CD2: variants seen among roughly 807,000 people sequenced by gnomAD.
CD2 encodes the protein T-cell surface antigen CD2.
Under a neutral mutation model 23.2 loss-of-function variants are expected in CD2, and 18 were observed. The observed-to-expected ratio is 0.77, with a 90% CI of 0.54 to 1.15. The LOEUF is 1.15. Ranked by LOEUF, CD2 falls within the 50% of genes most tolerant of loss-of-function variation. CD2 has a pLI of 0.00. For synonymous variants in CD2, 162 were observed against 151.9 expected (o/e 1.07, Z -0.49); for missense variants, 424 against 423.1 (o/e 1.00, Z -0.02).
Position 116,761,830 on chromosome 1 carries a change from T to G in CD2, c.613+1198T>G, listed in dbSNP as rs573016321. 2.0e-5 allele frequency among the ~76,000 whole-genome samples: 3 copies of G among 152,248 alleles called. No individual in the cohort carries two copies. The South Asian group carries it at 6.2e-4, about 32-fold the overall frequency. On this transcript the variant is annotated intron_variant, in intron 3 of 4. Coordinates refer to ENST00000369478, the MANE Select transcript of CD2 (RefSeq NM_001767.5). ...CACAGTAAGTGAAGTTGCCTCTCCT[T>G]GACTTCGCAACTTTTTTTGAGACAG...
rs1257984976 is a variant in CD2, at chr1:116,764,516, A to G, written c.646A>G (p.Ile216Val). The change falls in exon 4 of 5, where the codon ATA (isoleucine) becomes GTA (valine). Residue 216 changes from isoleucine to valine, a missense_variant. Ile to Val is a conservative substitution (Grantham distance 29, BLOSUM62 3). Coordinates refer to ENST00000369478, the MANE Select transcript of CD2 (RefSeq NM_001767.5). ...KGLDIYLIIG[I>V]CGGGSLLMVF... ...TCTGGACATCTATCTCATCATTGGC[A>G]TATGTGGAGGAGGCAGCCTCTTGAT... 1 of 1,613,992 alleles carries G rather than the reference A, an allele frequency of 6.2e-7. No homozygotes were observed. Among genetic ancestry groups the G allele is most frequent in the Non-Finnish European group, 8.5e-7 (1 of 1,179,960 alleles).
Position 116,754,971 on chromosome 1 carries a change from A to G in CD2, c.382+20A>G. 1.3e-6 allele frequency: 2 copies of G among 1,523,600 alleles called. No homozygotes were observed. Among genetic ancestry groups the G allele is most frequent in the Admixed American group, 1.9e-5 (1 of 53,962 alleles). 94.4% of individuals were successfully genotyped at this position (1,523,600 alleles called of 1,614,324 possible). ...TTCAAGGTAAGTGTTCATTCCCTTA[A>G]TTGCTTTATTTCAGTGTGGGTGCTA... is the stretch of plus-strand genomic sequence containing the variant. On this transcript the variant is annotated intron_variant, in intron 2 of 4. Coordinates refer to ENST00000369478, the MANE Select transcript of CD2 (RefSeq NM_001767.5).
At position 116,760,453 on chromosome 1, in the gene CD2, C is replaced by T. The variant is rs760747639; in HGVS notation, c.434C>T (p.Thr145Ile). The T allele has an allele frequency of 1.2e-6, 2 of 1,614,154 alleles. No individual in the cohort carries two copies. The highest frequency in any genetic ancestry group is 8.5e-7 in the Non-Finnish European group (1 of 1,180,022). Reference sequence around the variant, plus strand: ...TGGACTTGTATCAACACAACCCTGACCTGTGAGGTAATGAATGGAACTGAC... The same window carrying T: ...TGGACTTGTATCAACACAACCCTGATCTGTGAGGTAATGAATGGAACTGAC... ...ISWTCINTTL[T>I]CEVMNGTDPE... The change falls in exon 3 of 5, where the codon ACC (threonine) becomes ATC (isoleucine). Residue 145 changes from threonine (T) to isoleucine (I), a missense_variant. Thr to Ile is a moderately conservative substitution (Grantham distance 89). Transcript: ENST00000369478.
At chr1:116,768,024 G>T (rs532993503) in intron 4 of CD2, among the ~76,000 whole-genome samples, 1 of 152,266 alleles carries the variant, frequency 6.6e-6, no homozygotes, top group South Asian at 2.1e-4. Flanking sequence ...AGAATTGGGG[G>T]AAAGGCAGAT....
intron 2 of CD2, 108 bp downstream of exon 2, chr1:116,755,059 G>A (rs1387738027): frequency 2.7e-6 from 2 of 745,274 alleles, no homozygotes; most frequent in Non-Finnish European, 2.2e-6. Flanking sequence ...CTCCAGGGGG[G>A]CTATACAGGA....
rs2101152211 is a variant in CD2, at chr1:116,754,642, A to G, written c.73A>G (p.Lys25Glu). The change falls in exon 2 of 5, where the codon AAA becomes GAA. Residue 25 changes from lysine (K) to glutamate (E), a missense_variant. Transcript: ENST00000369478. The part of the protein sequence containing the change: ...FNVSSKGAVS[K>E]EITNALETWG... ...TTTGCTTTTTATAGGTGCAGTCTCC[A>G]AAGAGATTACGAATGCCTTGGAAAC... 1 of 1,608,194 alleles carries G rather than the reference A, an allele frequency of 6.2e-7. No homozygotes were observed. The highest frequency in any genetic ancestry group is 8.5e-7 in the Non-Finnish European group (1 of 1,178,372).
chr1:116,768,525 C>G lies in CD2; in HGVS notation c.798C>G (p.His266Gln), dbSNP rs699738. ...VATEERGRKP[H>Q]QIPASTPQNP... is the part of the protein sequence containing the mutation. Reference sequence around the variant, plus strand: ...CTGAAGAAAGGGGCCGGAAGCCCCACCAAATTCCAGCTTCAACCCCTCAGA... The same window carrying G: ...CTGAAGAAAGGGGCCGGAAGCCCCAGCAAATTCCAGCTTCAACCCCTCAGA... Residue 266 changes from histidine (H) to glutamine (Q), a missense_variant, in exon 5 of 5, where the codon CAC becomes CAG. Physicochemically the swap from His to Gln is conservative, Grantham distance 24 (BLOSUM62 0). Coordinates refer to ENST00000369478, the MANE Select transcript of CD2 (RefSeq NM_001767.5). 2 of 1,613,822 alleles carry G rather than the reference C, an allele frequency of 1.2e-6. No homozygotes were observed. Among genetic ancestry groups the G allele is most frequent in the African/African-American group, 1.3e-5 (1 of 74,854 alleles).
chr1:116,761,857 G>A (rs1057254115), intron 3 of CD2, among the ~76,000 whole-genome samples: 3 of 152,148 alleles, frequency 2.0e-5, no homozygotes, highest in African/African-American at 7.2e-5. Context: ...TTGAGACAGG[G>A]TTTTGCTCTG....
chr1:116,765,655 A>G (rs976928820), intron 4 of CD2, among the ~76,000 whole-genome samples: 4 of 152,198 alleles, frequency 2.6e-5, no homozygotes, highest in Non-Finnish European at 5.9e-5. Flanking sequence ...GCACAGCAGA[A>G]TCGCTGGCAG....
At position 116,754,530 on chromosome 1, in the gene CD2, T is replaced by G; in HGVS notation, c.38T>G (p.Leu13Arg). The G allele has an allele frequency of 6.2e-7, 1 of 1,614,076 alleles. No homozygotes were observed. Among genetic ancestry groups the G allele is most frequent in the Non-Finnish European group, 8.5e-7 (1 of 1,180,016 alleles). Residue 13 changes from leucine to arginine, a missense_variant, in exon 1 of 5, where the codon CTG becomes CGG. Physicochemically the swap from Leu to Arg is moderately radical, Grantham distance 102 (BLOSUM62 -2). Coordinates refer to ENST00000369478, the MANE Select transcript of CD2 (RefSeq NM_001767.5). ...TGTAAATTTGTAGCCAGCTTCCTTC[T>G]GATTTTCAATGTTTCTTCCAAAGGT... ...FPCKFVASFL[L>R]IFNVSSKGAV...
rs1165183613 is a variant in CD2, at chr1:116,768,967, C to T, written c.*184C>T. 1 of 619,390 alleles carries T rather than the reference C, an allele frequency of 1.6e-6. No homozygotes were observed. 38.4% of individuals were successfully genotyped at this position (619,390 alleles called of 1,614,324 possible). On this transcript the variant is annotated 3_prime_UTR_variant, in exon 5 of 5. Coordinates refer to ENST00000369478, the MANE Select transcript of CD2 (RefSeq NM_001767.5). ...GTGGTCAACATCTGGAGTTTTTGGT[C>T]TCCTCAGAGAGCTCCATCACACCAG...
intron 2 of CD2, among the ~76,000 whole-genome samples, chr1:116,756,613 C>T (rs539825753): frequency 7.6e-4 from 115 of 152,132 alleles, no homozygotes; most frequent in Non-Finnish European, 1.4e-3. Context: ...AATTCATCTA[C>T]CATTCAATTT....
At chr1:116,768,364 C>A in intron 4 of CD2, 100 bp from the exon 5 acceptor site, 1 of 1,154,000 alleles carries the variant, frequency 8.7e-7, no homozygotes. Context: ...ATTGCATCCC[C>A]CAAAGCAGCT....
At chr1:116,761,086 A>G in intron 3 of CD2, among the ~76,000 whole-genome samples, 1 of 152,152 alleles carries the variant, frequency 6.6e-6, no homozygotes, top group East Asian at 1.9e-4. Context: ...CCTGGGGGGC[A>G]GGGTCATGGG....
In CD2 at chr1:116,758,264, TAAGA is replaced by T. The variant is rs557857753; in HGVS notation, c.383-2136_383-2133del. 1.0e-3 allele frequency among the ~76,000 whole-genome samples: 159 copies of T among 152,066 alleles called. 1 individual carries two copies. The highest frequency in any genetic ancestry group is 0.01 in the Middle Eastern group (3 of 294). On this transcript the variant is annotated intron_variant, in intron 2 of 4. Transcript: ENST00000369478. ...CCCACGGATGCTGGGCAGGGAGTGA[TAAGA>T]AGGGAAAAGAGGAAGCTGGCTTGGG...
At chr1:116,756,221 T>A (rs1244588292) in intron 2 of CD2, among the ~76,000 whole-genome samples, 1 of 152,152 alleles carries the variant, frequency 6.6e-6, no homozygotes, top group Non-Finnish European at 1.5e-5. Flanking sequence ...GAAAAGGGCC[T>A]CTGATTATGG....
chr1:116,754,984 A>G (rs1483573916), intron 2 of CD2, 33 bp downstream of exon 2: 4 of 1,451,156 alleles, frequency 2.8e-6, no homozygotes, highest in Admixed American at 1.9e-5. Context: ...GCTTTATTTC[A>G]GTGTGGGTGC....
intron 3 of CD2, among the ~76,000 whole-genome samples, chr1:116,762,027 AC>A (rs1265646444): frequency 1.3e-5 from 2 of 151,680 alleles, no homozygotes; most frequent in Non-Finnish European, 1.5e-5. Context: ...ATAAGGTCTC[AC>A]TCTGTTGCCC....
At chr1:116,767,016 A>G (rs908778521) in intron 4 of CD2, among the ~76,000 whole-genome samples, 1 of 152,232 alleles carries the variant, frequency 6.6e-6, no homozygotes, top group African/African-American at 2.4e-5. Context: ...TCCACAGTCT[A>G]CTGGACATAA....
Sources: allele counts gnomAD v4.1 joint callset (sites outside exome capture counted in the v4.1 genomes callset), GRCh38; gene constraint gnomAD v4.1.1; transcripts MANE v1.5; gene names NCBI Gene and HGNC (gene_info 2026-07-23, HGNC 2026-07-21).